Variants in SGCZ observed in about 807,000 individuals in gnomAD.
SGCZ encodes the protein sarcoglycan zeta.
A neutral mutation model predicts 41.3 loss-of-function variants in SGCZ; 40 were observed. The observed-to-expected ratio is 0.97, with a 90% CI of 0.75 to 1.26. The LOEUF is 1.26. SGCZ is among the 50% of genes most tolerant of loss of function. The probability of loss-of-function intolerance (pLI) is 0.00; values close to 1 mark genes in which losing one functional copy is unlikely to be tolerated. For missense variants in SGCZ, 552 were observed against 369.8 expected, an observed-to-expected ratio of 1.49 and a Z score of -4.04; for synonymous variants, 206 against 137.5, an observed-to-expected ratio of 1.50 and a Z score of -3.49.
chr8:15,025,873 C>T (rs58090412), intron 1 of SGCZ, among the ~76,000 whole-genome samples: 2,146 of 152,148 alleles, frequency 0.014, 40 homozygotes, highest in African/African-American at 0.049. Context: ...AGACTATATA[C>T]GAATGTTTAA....
chr8:14,661,020 T>C lies in SGCZ; in HGVS notation c.40-106094A>G, dbSNP rs1327427484. Among the ~76,000 whole-genome samples, 4 of 152,196 alleles carry C rather than the reference T, an allele frequency of 2.6e-5. No individual in the cohort carries two copies. The East Asian group carries it at 5.8e-4, about 22-fold the overall frequency. Reference sequence around the variant, plus strand: ...ATAAATACTATTGTGACAGCAGCTATATTTAGAGGGTTCTTCCCAGAATCC... The same window carrying C: ...ATAAATACTATTGTGACAGCAGCTACATTTAGAGGGTTCTTCCCAGAATCC... On this transcript the variant is annotated intron_variant, in intron 1 of 7. Transcript: ENST00000382080.
At chr8:14,791,931 C>T (rs1800969010) in intron 1 of SGCZ, among the ~76,000 whole-genome samples, 1 of 152,214 alleles carries the variant, frequency 6.6e-6, no homozygotes, top group African/African-American at 2.4e-5. Flanking sequence ...ATGCAAAGCA[C>T]AGCTTCAAGC....
At chr8:15,036,978 T>C (rs768578782) in intron 1 of SGCZ, among the ~76,000 whole-genome samples, 3 of 152,120 alleles carry the variant, frequency 2.0e-5, no homozygotes, top group Non-Finnish European at 4.4e-5. Flanking sequence ...ATTAGCAGAA[T>C]GATGAAGAGA....
At chr8:14,628,543 G>A (rs533769764) in intron 1 of SGCZ, among the ~76,000 whole-genome samples, 5 of 152,174 alleles carry the variant, frequency 3.3e-5, no homozygotes, top group African/African-American at 9.6e-5. Flanking sequence ...CCTCAAATAT[G>A]AAACTAAGGA....
At chr8:14,552,131 T>G (rs567299628) in intron 2 of SGCZ, among the ~76,000 whole-genome samples, 2 of 152,130 alleles carry the variant, frequency 1.3e-5, no homozygotes, top group African/African-American at 4.8e-5. Flanking sequence ...GTCTTTGGTA[T>G]TCTCTGTAGA....
intron 4 of SGCZ, among the ~76,000 whole-genome samples, chr8:14,210,553 C>T (rs1051234953): frequency 2.0e-5 from 3 of 151,580 alleles, no homozygotes; most frequent in Admixed American, 1.3e-4. Context: ...ACCCCTGTCT[C>T]CCAGGTTCAA....
intron 2 of SGCZ, among the ~76,000 whole-genome samples, chr8:14,514,825 G>GCACACA (rs146945070): frequency 1.0e-4 from 14 of 135,682 alleles, no homozygotes; most frequent in Middle Eastern, 4.4e-3. Context: ...ATATATACAC[G>GCACACA]CACACACACA....
chr8:14,875,066 G>T (rs911714463), intron 1 of SGCZ, among the ~76,000 whole-genome samples: 1 of 152,140 alleles, frequency 6.6e-6, no homozygotes, highest in African/African-American at 2.4e-5. Context: ...TGGAGACCAG[G>T]TTATTTATAA....
intron 5 of SGCZ, among the ~76,000 whole-genome samples, chr8:14,143,777 C>G (rs73213543): frequency 6.6e-6 from 1 of 152,228 alleles, no homozygotes; most frequent in Non-Finnish European, 1.5e-5. Context: ...CCCCTCTACA[C>G]CCCACCCTCC....
intron 1 of SGCZ, among the ~76,000 whole-genome samples, chr8:14,595,587 T>G (rs766571579): frequency 6.6e-6 from 1 of 152,316 alleles, no homozygotes; most frequent in Admixed American, 6.5e-5. Flanking sequence ...AGCAGCTGGC[T>G]AACCTTGAAC....
intron 1 of SGCZ, among the ~76,000 whole-genome samples, chr8:14,561,202 G>A (rs148952204): frequency 1.7e-3 from 256 of 152,184 alleles, no homozygotes; most frequent in African/African-American, 5.8e-3. Flanking sequence ...AGCTTTAAAT[G>A]TTTAATATTG....
At chr8:14,809,069 G>A (rs546823013) in intron 1 of SGCZ, among the ~76,000 whole-genome samples, 1 of 147,740 alleles carries the variant, frequency 6.8e-6, no homozygotes, top group South Asian at 2.1e-4. Context: ...ATCACACTCT[G>A]GGGACTGTTG....
chr8:14,451,582 A>T (rs1056046116), intron 2 of SGCZ, among the ~76,000 whole-genome samples: 5 of 152,212 alleles, frequency 3.3e-5, no homozygotes, highest in Non-Finnish European at 5.9e-5. Flanking sequence ...AAGTATTTGC[A>T]AAAGACAGAT....
intron 1 of SGCZ, among the ~76,000 whole-genome samples, chr8:14,878,330 C>A (rs1031090079): frequency 6.6e-6 from 1 of 151,462 alleles, no homozygotes; most frequent in African/African-American, 2.4e-5. Context: ...CCATCTATAA[C>A]TTTCCCACAT....
intron 5 of SGCZ, among the ~76,000 whole-genome samples, chr8:14,151,996 G>T (rs570752688): frequency 8.6e-5 from 13 of 151,990 alleles, no homozygotes. Context: ...AGGGAAAAAT[G>T]TAGAAAATAT....
intron 1 of SGCZ, among the ~76,000 whole-genome samples, chr8:15,235,100 A>G (rs935802448): frequency 6.6e-6 from 1 of 152,198 alleles, no homozygotes; most frequent in South Asian, 2.1e-4. Flanking sequence ...CCCTCTCTCC[A>G]CTGATCACAC....
chr8:15,099,166 T>G (rs1806506748), intron 1 of SGCZ, among the ~76,000 whole-genome samples: 2 of 152,232 alleles, frequency 1.3e-5, no homozygotes, highest in Admixed American at 1.3e-4. Context: ...AAACAATAGG[T>G]AAAGCCAAAT....
Position 14,735,915 on chromosome 8 carries a change from C to T in SGCZ, c.40-180989G>A, listed in dbSNP as rs142389678. 3.9e-5 allele frequency among the ~76,000 whole-genome samples: 6 copies of T among 152,068 alleles called. No individual in the cohort carries two copies. The East Asian group carries it at 1.2e-3, about 30-fold the overall frequency. ...CAAGAGCGAGTAAAGCCATTCCTGACTGAGTGATCAGTATGAGCAAAGACA... is the reference window on the plus strand; with the variant it reads ...CAAGAGCGAGTAAAGCCATTCCTGATTGAGTGATCAGTATGAGCAAAGACA... On this transcript the variant is annotated intron_variant, in intron 1 of 7. Coordinates refer to ENST00000382080, the MANE Select transcript of SGCZ (RefSeq NM_139167.4).
chr8:15,152,652 T>G (rs868606057), intron 1 of SGCZ, among the ~76,000 whole-genome samples: 23 of 152,178 alleles, frequency 1.5e-4, no homozygotes, highest in African/African-American at 5.1e-4. Context: ...CACACTCCTT[T>G]GAGATATCTT....
Sources: gnomAD v4.1 joint callset for allele counts (sites outside exome capture counted in the v4.1 genomes callset) on GRCh38, gnomAD v4.1.1 for gene constraint, MANE v1.5 for transcripts, NCBI Gene and HGNC (gene_info 2026-07-23, HGNC 2026-07-21) for gene names.